Variants in KRT80 observed in about 807,000 individuals in gnomAD.
KRT80 encodes keratin 80, also known as keratin, type II cytoskeletal 80.
KRT80 carries 36 observed loss-of-function variants against 51.5 expected under a neutral mutation model. That is an observed-to-expected ratio of 0.70 (90% CI 0.54 to 0.92). The LOEUF (loss-of-function observed/expected upper bound fraction) is 0.92, where lower values mean the gene tolerates loss of function less well. Among genes scored for constraint, KRT80 ranks in the 40% least tolerant of loss-of-function variants. KRT80 has a pLI of 0.00. For synonymous variants in KRT80, 235 were observed against 248.3 expected (o/e 0.95, Z 0.50); for missense variants, 566 against 591.7 (o/e 0.96, Z 0.45).
At position 52,171,395 on chromosome 12, in the gene KRT80, G is replaced by C. The variant is rs201045264; in HGVS notation, c.*3C>G. ...GCCCTGGGGTTCCTGGGGTCCAGCC[G>C]CCTTACTCTGAGACCTCCGACTCCT... On this transcript the variant is annotated 3_prime_UTR_variant, in exon 9 of 9. Transcript: ENST00000394815. The C allele has an allele frequency of 4.4e-6, 7 of 1,578,032 alleles. No individual in the cohort carries two copies. Among genetic ancestry groups the C allele is most frequent in the Non-Finnish European group, 4.3e-6 (5 of 1,161,620 alleles).
chr12:52,171,789 G>C, intron 7 of KRT80, 76 bp from the exon 8 acceptor site: 1 of 1,030,778 alleles, frequency 9.7e-7, no homozygotes, highest in South Asian at 1.5e-5. Flanking sequence ...AACTCCCCTG[G>C]GGGCTGGCAA....
rs533587648 is a variant in KRT80, at chr12:52,177,370, G to A, written c.666+3143C>T. Among the ~76,000 whole-genome samples, 7 of 152,304 alleles carry A rather than the reference G, an allele frequency of 4.6e-5. No homozygotes were observed. In the South Asian group the frequency reaches 1.5e-3, roughly 32 times the overall value. On this transcript the variant is annotated intron_variant, in intron 4 of 8. Coordinates refer to ENST00000394815, the MANE Select transcript of KRT80 (RefSeq NM_182507.3). ...ATGGACCTCCCTCGAGGTGTGCCTGGCTGCAGGGGGTTGTCAGCAGATTCC... is the reference window on the plus strand; with the variant it reads ...ATGGACCTCCCTCGAGGTGTGCCTGACTGCAGGGGGTTGTCAGCAGATTCC...
rs1317863971 is a variant in KRT80 at position 52,169,087 on chromosome 12, C to T, written c.*2311G>A. ...CATTTGCTCAGCTTCTGGTGAGGGC[C>T]TCAGGAAGCTTACAGTAAAGGCGGA... On this transcript the variant is annotated 3_prime_UTR_variant, in exon 9 of 9. Transcript: ENST00000394815. The T allele has an allele frequency of 1.3e-5, 2 of 152,224 alleles. No homozygotes were observed. Among genetic ancestry groups the T allele is most frequent in the Non-Finnish European group, 2.9e-5 (2 of 68,066 alleles). The allele number at this position is 152,224 out of a possible 1,614,324, so 9.4% of individuals were successfully genotyped here.
intron 2 of KRT80, 67 bp downstream of exon 2, chr12:52,185,312 C>G (rs1023789977): frequency 6.9e-7 from 1 of 1,453,154 alleles, no homozygotes; most frequent in Non-Finnish European, 9.4e-7. Flanking sequence ...TTAAGTGCCT[C>G]CCATCTGAGC....
chr12:52,171,397 C>T lies in KRT80; in HGVS notation c.*1G>A, dbSNP rs1941096568. The T allele has an allele frequency of 6.3e-7, 1 of 1,582,394 alleles. No individual in the cohort carries two copies. The highest frequency in any genetic ancestry group is 1.3e-5 in the African/African-American group (1 of 74,082). The stretch of plus-strand genomic sequence containing the variant: ...CCTGGGGTTCCTGGGGTCCAGCCGC[C>T]TTACTCTGAGACCTCCGACTCCTGC... On this transcript the variant is annotated 3_prime_UTR_variant, in exon 9 of 9. Transcript: ENST00000394815.
intron 1 of KRT80, among the ~76,000 whole-genome samples, chr12:52,187,250 A>G: frequency 6.6e-6 from 1 of 152,128 alleles, no homozygotes; most frequent in East Asian, 1.9e-4. Context: ...GCCTTCTCCC[A>G]CCACTGCCGG....
chr12:52,191,111 G>A (rs367662022), intron 1 of KRT80, among the ~76,000 whole-genome samples: 5 of 152,234 alleles, frequency 3.3e-5, no homozygotes, highest in East Asian at 1.9e-4. Flanking sequence ...CAGCAGCCCC[G>A]CACTCACCCT....
chr12:52,171,955 A>G (rs1941112429), intron 7 of KRT80, among the ~76,000 whole-genome samples: 1 of 152,150 alleles, frequency 6.6e-6, no homozygotes, highest in South Asian at 2.1e-4. Context: ...ATTTGCAGGC[A>G]TAATCACATG....
At chr12:52,173,453 C>T (rs1174002051) in intron 5 of KRT80, 147 bp downstream of exon 5, 8 of 735,032 alleles carry the variant, frequency 1.1e-5, no homozygotes, top group East Asian at 5.3e-5. Flanking sequence ...TCCCCCCGCC[C>T]GCCCCGTCCC....
intron 1 of KRT80, among the ~76,000 whole-genome samples, chr12:52,188,015 T>C (rs1022161089): frequency 6.6e-6 from 1 of 151,910 alleles, no homozygotes; most frequent in African/African-American, 2.4e-5. Context: ...GCATCTGTGG[T>C]CTTAGGGGAT....
At chr12:52,176,653 G>A (rs1022699836) in intron 4 of KRT80, among the ~76,000 whole-genome samples, 2 of 152,114 alleles carry the variant, frequency 1.3e-5, no homozygotes, top group Non-Finnish European at 1.5e-5. Context: ...AGCTAATTTT[G>A]TATTTTTAGT....
In KRT80 at chr12:52,173,716, C is replaced by G. The variant is rs773765135; in HGVS notation, c.715G>C (p.Gly239Arg). ...TCGATGTGGCAGCGGCTGTCCATGC[C>G]GACGGTCACCGACACATCCTTCACC... The part of the protein sequence containing the change: ...AQVKDVSVTV[G>R]MDSRCHIDLS... The change falls in exon 5 of 9, where the codon GGC (glycine) becomes CGC (arginine). Residue 239 changes from glycine to arginine, a missense_variant. Coordinates refer to ENST00000394815, the MANE Select transcript of KRT80 (RefSeq NM_182507.3). 8.7e-6 allele frequency: 14 copies of G among 1,612,220 alleles called. No homozygotes were observed. The highest frequency in any genetic ancestry group is 1.7e-5 in the Admixed American group (1 of 60,012).
In KRT80 at chr12:52,172,447, C is replaced by A. The variant is rs148084931; in HGVS notation, c.958-29G>T. On this transcript the variant is annotated intron_variant, in intron 6 of 8. Transcript: ENST00000394815. Reference sequence around the variant, plus strand: ...CAGCCAGGAGGACAGAGTGAAAGGGCCTGTGAGCAGGGGAAGGAGGAGCGG... The same window carrying A: ...CAGCCAGGAGGACAGAGTGAAAGGGACTGTGAGCAGGGGAAGGAGGAGCGG... 1,937 of 1,588,848 alleles carry A rather than the reference C, an allele frequency of 1.2e-3. 7 individuals carry two copies. The highest frequency in any genetic ancestry group is 7.1e-3 in the Admixed American group (419 of 58,996).
intron 4 of KRT80, among the ~76,000 whole-genome samples, chr12:52,176,863 T>C (rs1941233634): frequency 6.6e-6 from 1 of 152,260 alleles, no homozygotes; most frequent in South Asian, 2.1e-4. Flanking sequence ...AAAATGGATC[T>C]AATTATAGAG....
chr12:52,176,354 G>A (rs376305759), intron 4 of KRT80, among the ~76,000 whole-genome samples: 53 of 152,342 alleles, frequency 3.5e-4, no homozygotes, highest in Non-Finnish European at 5.6e-4. Flanking sequence ...GCTGCTGTGC[G>A]TGTGAGCACC....
Position 52,185,267 on chromosome 12 carries a change from G to T in KRT80, c.509+112C>A, listed in dbSNP as rs1303194641. Reference sequence around the variant, plus strand: ...TCCCTCAATAAATGTCTCAGGTAAAGAAATGTTGCAGAACATCTTTCCTCT... The same window carrying T: ...TCCCTCAATAAATGTCTCAGGTAAATAAATGTTGCAGAACATCTTTCCTCT... On this transcript the variant is annotated intron_variant, in intron 2 of 8. Coordinates refer to ENST00000394815, the MANE Select transcript of KRT80 (RefSeq NM_182507.3). 9.4e-6 allele frequency: 10 copies of T among 1,059,292 alleles called. No homozygotes were observed. The African/African-American group carries it at 1.3e-4, about 13-fold the overall frequency. 65.6% of individuals were successfully genotyped at this position (1,059,292 alleles called of 1,614,324 possible).
rs1224544473 is a variant in KRT80, at chr12:52,191,705, C to T, written c.198G>A (p.Val66=). ...SKVTVNPGLL[V]PLDVKLDPAV... ...CGGGGTCCAACTTGACATCCAGGGG[C>T]ACCAGCAGGCCGGGGTTCACAGTCA... The change falls in exon 1 of 9, where the codon GTG becomes GTA. Residue 66 remains valine, a synonymous_variant. Transcript: ENST00000394815. 4.3e-6 allele frequency: 7 copies of T among 1,613,750 alleles called. No individual in the cohort carries two copies. In the Middle Eastern group the frequency reaches 4.9e-4, roughly 114 times the overall value.
At chr12:52,174,702 T>A (rs958152001) in intron 4 of KRT80, among the ~76,000 whole-genome samples, 1 of 152,244 alleles carries the variant, frequency 6.6e-6, no homozygotes, top group Admixed American at 6.5e-5. Flanking sequence ...GGAGCCCCTG[T>A]TGCTGCTGCT....
At chr12:52,173,474 C>T in intron 5 of KRT80, 126 bp downstream of exon 5, 2 of 995,494 alleles carry the variant, frequency 2.0e-6, no homozygotes, top group Non-Finnish European at 3.0e-6. Flanking sequence ...TGTGCTTCTC[C>T]ATTCCTCTCT....
Sources: gnomAD v4.1 joint callset for allele counts (sites outside exome capture counted in the v4.1 genomes callset) on GRCh38, gnomAD v4.1.1 for gene constraint, MANE v1.5 for transcripts, NCBI Gene and HGNC (gene_info 2026-07-23, HGNC 2026-07-21) for gene names.